Variants in CHRM3 observed in about 807,000 individuals in gnomAD.
CHRM3 encodes muscarinic acetylcholine receptor M3.
Under a neutral mutation model 41.8 loss-of-function variants are expected in CHRM3, and 11 were observed. The ratio of observed to expected loss-of-function variants is 0.26; its 90% CI spans 0.17 to 0.44. The LOEUF (loss-of-function observed/expected upper bound fraction) is 0.44. Among genes scored for constraint, CHRM3 ranks in the 20% least tolerant of loss-of-function variants. The pLI is 1.00. For missense variants in CHRM3, 571 were observed against 745.4 expected (o/e 0.77, Z 2.72); for synonymous variants, 297 against 301.4 (o/e 0.99, Z 0.15).
chr1:239,769,977 C>T (rs2148717556), intron 5 of CHRM3, among the ~76,000 whole-genome samples: 1 of 152,206 alleles, frequency 6.6e-6, no homozygotes, highest in South Asian at 2.1e-4. Flanking sequence ...GGGCACCTCC[C>T]ACTTAAAAAT....
chr1:239,702,053 G>A (rs1008625527), intron 5 of CHRM3, among the ~76,000 whole-genome samples: 1 of 152,132 alleles, frequency 6.6e-6, no homozygotes, highest in Non-Finnish European at 1.5e-5. Flanking sequence ...CTGGGCTGCA[G>A]GGAAGTTTCC....
chr1:239,585,089 G>A (rs944073062), intron 3 of CHRM3, among the ~76,000 whole-genome samples: 7 of 148,304 alleles, frequency 4.7e-5, no homozygotes, highest in African/African-American at 7.4e-5. Flanking sequence ...ACACACATAC[G>A]TATATACATA....
At chr1:239,535,476 GT>G (rs2148357141) in intron 2 of CHRM3, among the ~76,000 whole-genome samples, 1 of 148,098 alleles carries the variant, frequency 6.8e-6, no homozygotes, top group African/African-American at 2.5e-5. Context: ...TATCTAGTAT[GT>G]TTTCAGTCCT....
chr1:239,462,570 T>C (rs1665438386), intron 1 of CHRM3, among the ~76,000 whole-genome samples: 1 of 152,210 alleles, frequency 6.6e-6, no homozygotes, highest in Non-Finnish European at 1.5e-5. Context: ...AAAAATAATT[T>C]GACTAGAAGT....
Position 239,576,576 on chromosome 1 carries a change from ACACACACACACACACACG to A in CHRM3, c.-313+30845_-313+30862del, listed in dbSNP as rs1230895165. On this transcript the variant is annotated intron_variant, in intron 3 of 6. Transcript: ENST00000676153. ...AGGGAAACAGCAAAACATCATCTCT[ACACACACACACACACACG>A]CACACACACACACACACACACACAC... Among the ~76,000 whole-genome samples, 10 of 113,192 alleles carry A rather than the reference ACACACACACACACACACG, an allele frequency of 8.8e-5. No individual in the cohort carries two copies. The Admixed American group carries it at 1.1e-3, about 12-fold the overall frequency. The allele number at this position is 113,192 out of a possible 152,430, so 74.3% of individuals were successfully genotyped here.
intron 1 of CHRM3, among the ~76,000 whole-genome samples, chr1:239,460,612 C>T (rs1374101874): frequency 2.0e-5 from 3 of 152,036 alleles, no homozygotes; most frequent in South Asian, 2.1e-4. Context: ...AATCTACACA[C>T]CTTCTTCCAA....
At chr1:239,550,693 A>G (rs1659729018) in intron 3 of CHRM3, among the ~76,000 whole-genome samples, 1 of 152,208 alleles carries the variant, frequency 6.6e-6, no homozygotes, top group East Asian at 1.9e-4. Context: ...TTAGCAAAAG[A>G]TAACAGGAGT....
In CHRM3 at chr1:239,433,203, C is replaced by G. The variant is rs182607962; in HGVS notation, c.-521+45976C>G. ...CCTATTCTAAGAATAGGTTTATAGTCTCACATTAGATACTAGATTTTTATA... is the reference window on the plus strand; with the variant it reads ...CCTATTCTAAGAATAGGTTTATAGTGTCACATTAGATACTAGATTTTTATA... On this transcript the variant is annotated intron_variant, in intron 1 of 6. Coordinates refer to ENST00000676153, the MANE Select transcript of CHRM3 (RefSeq NM_001375978.1). Among the ~76,000 whole-genome samples, 18 of 152,250 alleles carry G rather than the reference C, an allele frequency of 1.2e-4. 1 individual carries two copies. The highest frequency in any genetic ancestry group is 3.9e-4 in the African/African-American group (16 of 41,540).
intron 3 of CHRM3, among the ~76,000 whole-genome samples, chr1:239,593,268 A>G (rs563848717): frequency 6.6e-6 from 1 of 152,220 alleles, no homozygotes; most frequent in African/African-American, 2.4e-5. Context: ...TTTATTCTTT[A>G]CCTAGAGTAG....
At chr1:239,746,693 G>C (rs557915022) in intron 5 of CHRM3, among the ~76,000 whole-genome samples, 2 of 152,108 alleles carry the variant, frequency 1.3e-5, no homozygotes, top group South Asian at 4.2e-4. Flanking sequence ...GATTTCTTTT[G>C]TCTGTTTGCC....
chr1:239,866,560 A>C (rs550471109), intron 6 of CHRM3, among the ~76,000 whole-genome samples: 6 of 152,360 alleles, frequency 3.9e-5, no homozygotes, highest in African/African-American at 1.2e-4. Flanking sequence ...AATCAACAGG[A>C]GATCAAGGAT....
chr1:239,909,245 A>G lies in CHRM3; in HGVS notation c.*21A>G. The stretch of plus-strand genomic sequence containing the variant: ...TGTAGAATGAGGTTGTATCAATAGC[A>G]GTGACAAAACGCACACATCAACCCA... On this transcript the variant is annotated 3_prime_UTR_variant, in exon 7 of 7. Transcript: ENST00000676153. 2 of 1,577,590 alleles carry G rather than the reference A, an allele frequency of 1.3e-6. No homozygotes were observed. Among genetic ancestry groups the G allele is most frequent in the Non-Finnish European group, 1.7e-6 (2 of 1,163,096 alleles).
At chr1:239,554,220 A>C (rs1372353117) in intron 3 of CHRM3, among the ~76,000 whole-genome samples, 1 of 152,238 alleles carries the variant, frequency 6.6e-6, no homozygotes, top group Non-Finnish European at 1.5e-5. Context: ...TTGAAATTCA[A>C]ACATTAAATT....
intron 5 of CHRM3, among the ~76,000 whole-genome samples, chr1:239,694,352 A>G (rs1027108248): frequency 6.6e-6 from 1 of 152,218 alleles, no homozygotes. Context: ...AATTTGTCAC[A>G]GGTTCTAGGG....
intron 6 of CHRM3, among the ~76,000 whole-genome samples, chr1:239,901,396 C>T (rs911942111): frequency 6.6e-6 from 1 of 151,986 alleles, no homozygotes; most frequent in African/African-American, 2.4e-5. Flanking sequence ...GTCCATCACC[C>T]TCAATCCTAA....
intron 3 of CHRM3, among the ~76,000 whole-genome samples, chr1:239,605,580 A>G (rs1450238749): frequency 6.6e-6 from 1 of 151,852 alleles, no homozygotes; most frequent in Non-Finnish European, 1.5e-5. Flanking sequence ...TTTTGTTTTA[A>G]GGAGAATGTG....
At chr1:239,640,893 G>A (rs1470254414) in intron 4 of CHRM3, among the ~76,000 whole-genome samples, 2 of 148,206 alleles carry the variant, frequency 1.3e-5, no homozygotes, top group African/African-American at 2.5e-5. Context: ...GCTTTCTCTT[G>A]TGGGCATTTA....
intron 5 of CHRM3, among the ~76,000 whole-genome samples, chr1:239,731,870 C>T (rs1663996939): frequency 6.6e-6 from 1 of 151,930 alleles, no homozygotes; most frequent in South Asian, 2.1e-4. Context: ...AAAAATTAAC[C>T]ACTAATTAAC....
At chr1:239,551,142 TTC>T (rs1363052735) in intron 3 of CHRM3, among the ~76,000 whole-genome samples, 33 of 123,850 alleles carry the variant, frequency 2.7e-4, no homozygotes, top group African/African-American at 1.0e-3. Context: ...AGTGTTACCA[TTC>T]TTTTTTTTTT....
Sources: allele counts gnomAD v4.1 joint callset (sites outside exome capture counted in the v4.1 genomes callset), GRCh38; gene constraint gnomAD v4.1.1; transcripts MANE v1.5; gene names NCBI Gene and HGNC (gene_info 2026-07-23, HGNC 2026-07-21).